Variants in PDCD11 observed in about 807,000 individuals in gnomAD.
PDCD11 encodes protein RRP5 homolog.
PDCD11 carries 97 observed loss-of-function variants against 198.9 expected under a neutral mutation model. The ratio of observed to expected loss-of-function variants is 0.49; its 90% CI spans 0.41 to 0.58. The LOEUF (loss-of-function observed/expected upper bound fraction) is 0.58. Ranked by LOEUF, PDCD11 falls within the 20% of genes least tolerant of loss-of-function variation. PDCD11 has a pLI of 0.00. For missense variants in PDCD11, 2,102 were observed against 2,312.7 expected (o/e 0.91, Z 1.87); for synonymous variants, 893 against 918.0 (o/e 0.97, Z 0.49).
At chr10:103,419,740 G>C in intron 16 of PDCD11, 32 bp downstream of exon 16, 1 of 1,605,434 alleles carries the variant, frequency 6.2e-7, no homozygotes. Flanking sequence ...AGGGCTTTGA[G>C]GAGAGATACA....
rs757314363 is a variant in PDCD11 at position 103,406,114 on chromosome 10, G to A, written c.688+6G>A. 1 of 1,613,898 alleles carries A rather than the reference G, an allele frequency of 6.2e-7. No individual in the cohort carries two copies. Among genetic ancestry groups the A allele is most frequent in the East Asian group, 2.2e-5 (1 of 44,880 alleles). Reference sequence around the variant, plus strand: ...CATCAGACAGAAGAACAAAGGTGAGGGCAAGAAAAGGGGCCAGTACATGGT... The same window carrying A: ...CATCAGACAGAAGAACAAAGGTGAGAGCAAGAAAAGGGGCCAGTACATGGT... On this transcript the variant is annotated splice_donor_region_variant and intron_variant, in intron 6 of 35. Transcript: ENST00000369797.
intron 8 of PDCD11, 149 bp downstream of exon 8, chr10:103,409,955 G>A: frequency 1.6e-6 from 1 of 634,164 alleles, no homozygotes; most frequent in Non-Finnish European, 2.8e-6. Context: ...TGTTATGGAG[G>A]CCAGATGCAG....
intron 11 of PDCD11, among the ~76,000 whole-genome samples, chr10:103,414,726 A>C (rs2031003402): frequency 6.6e-6 from 1 of 152,224 alleles, no homozygotes; most frequent in Non-Finnish European, 1.5e-5. Context: ...TTTATTCCTT[A>C]GGAGACCTTG....
intron 13 of PDCD11, among the ~76,000 whole-genome samples, 175 bp from the exon 14 acceptor site, chr10:103,417,617 G>T (rs1028868263): frequency 1.3e-5 from 2 of 152,200 alleles, no homozygotes; most frequent in Admixed American, 6.5e-5. Flanking sequence ...TATCCCAAAG[G>T]CTGCCCTGGG....
At chr10:103,442,483 C>A in intron 32 of PDCD11, 23 bp downstream of exon 32, 1 of 1,606,852 alleles carries the variant, frequency 6.2e-7, no homozygotes, top group Non-Finnish European at 8.5e-7. Flanking sequence ...CCCCAGGGAG[C>A]ACAGTGTCTT....
chr10:103,416,187 A>T (rs1391285197), intron 12 of PDCD11, among the ~76,000 whole-genome samples: 1 of 152,216 alleles, frequency 6.6e-6, no homozygotes, highest in East Asian at 1.9e-4. Flanking sequence ...AGGAGCCAAG[A>T]TGGTGTAGAA....
chr10:103,398,454 C>A lies in PDCD11; in HGVS notation c.28C>A (p.Arg10=), dbSNP rs1410420963. 6.2e-7 allele frequency: 1 copy of A among 1,613,796 alleles called. No homozygotes were observed. Among genetic ancestry groups the A allele is most frequent in the Admixed American group, 1.7e-5 (1 of 59,994 alleles). Residue 10 remains arginine, a synonymous_variant, in exon 2 of 36, where the codon CGA becomes AGA. Coordinates refer to ENST00000369797, the MANE Select transcript of PDCD11 (RefSeq NM_014976.2). The part of the protein sequence containing the change: MANLEESFP[R]GGTRKIHKPE... ...GGCAAACCTGGAAGAAAGCTTCCCC[C>A]GAGGAGGTACAAGAAAGATCCACAA...
chr10:103,433,370 G>A (rs898318582), intron 22 of PDCD11, among the ~76,000 whole-genome samples: 2 of 152,070 alleles, frequency 1.3e-5, no homozygotes, highest in Non-Finnish European at 1.5e-5. Flanking sequence ...GGGCGTGCGC[G>A]CCTGTAATCC....
intron 8 of PDCD11, among the ~76,000 whole-genome samples, chr10:103,410,897 A>G (rs990077744): frequency 1.1e-4 from 17 of 151,614 alleles, no homozygotes; most frequent in African/African-American, 4.1e-4. Flanking sequence ...AGCATGGTGA[A>G]ACCCCGTCTC....
intron 15 of PDCD11, 49 bp downstream of exon 15, chr10:103,418,683 G>A: frequency 6.7e-7 from 1 of 1,484,416 alleles, no homozygotes; most frequent in Non-Finnish European, 9.2e-7. Flanking sequence ...GGGGCCATGG[G>A]TGCTTGGATG....
intron 9 of PDCD11, 81 bp downstream of exon 9, chr10:103,413,403 C>T: frequency 8.8e-7 from 1 of 1,138,718 alleles, no homozygotes; most frequent in Non-Finnish European, 1.3e-6. Context: ...CTGCTTCTTT[C>T]ATTCCTTGAT....
At chr10:103,433,568 A>G (rs754683442) in intron 22 of PDCD11, among the ~76,000 whole-genome samples, 14 of 152,228 alleles carry the variant, frequency 9.2e-5, no homozygotes, top group Non-Finnish European at 2.1e-4. Flanking sequence ...ATCCAAATCC[A>G]AATTGGTTTA....
chr10:103,439,687 C>A, intron 27 of PDCD11, 59 bp from the exon 28 acceptor site: 1 of 1,607,382 alleles, frequency 6.2e-7, no homozygotes, highest in South Asian at 1.1e-5. Flanking sequence ...GTCCCGAGGC[C>A]TGGTTGGAAT....
At chr10:103,440,943 T>C in intron 30 of PDCD11, 93 bp downstream of exon 30, 1 of 896,142 alleles carries the variant, frequency 1.1e-6, no homozygotes, top group Non-Finnish European at 1.7e-6. Context: ...TCATTTCCTA[T>C]AAAATACGAA....
chr10:103,425,841 G>A (rs2133722568), intron 20 of PDCD11, among the ~76,000 whole-genome samples: 1 of 152,122 alleles, frequency 6.6e-6, no homozygotes, highest in Middle Eastern at 3.4e-3. Context: ...CACCACGCCC[G>A]GCTAACTTTT....
At chr10:103,405,275 C>T (rs1265340691) in intron 5 of PDCD11, 92 bp downstream of exon 5, 5 of 1,243,462 alleles carry the variant, frequency 4.0e-6, no homozygotes, top group Non-Finnish European at 5.7e-6. Context: ...ACTTTCAGCT[C>T]AATTGTGACA....
intron 27 of PDCD11, 139 bp downstream of exon 27, chr10:103,438,947 A>G: frequency 1.2e-6 from 1 of 844,552 alleles, no homozygotes; most frequent in Non-Finnish European, 1.8e-6. Flanking sequence ...ACTCATTTTT[A>G]AAATTCCAAG....
intron 1 of PDCD11, among the ~76,000 whole-genome samples, chr10:103,397,892 C>T (rs146488872): frequency 6.6e-6 from 1 of 152,330 alleles, no homozygotes; most frequent in Non-Finnish European, 1.5e-5. Context: ...TCTTTTCTCA[C>T]ATTCCCTTTC....
At chr10:103,436,109 G>C (rs535152653) in intron 25 of PDCD11, among the ~76,000 whole-genome samples, 270 of 147,212 alleles carry the variant, frequency 1.8e-3, no homozygotes, top group African/African-American at 6.6e-3. Context: ...CTCTTGTTTT[G>C]TTTTGTTTTG....
Sources: allele counts gnomAD v4.1 joint callset (sites outside exome capture counted in the v4.1 genomes callset), GRCh38; gene constraint gnomAD v4.1.1; transcripts MANE v1.5; gene names NCBI Gene and HGNC (gene_info 2026-07-23, HGNC 2026-07-21).